Variants in SOS1 observed in about 807,000 individuals in gnomAD.
SOS1 encodes the protein SOS Ras/Rac guanine nucleotide exchange factor 1.
SOS1 carries 25 observed loss-of-function variants against 157.6 expected under a neutral mutation model. The observed-to-expected ratio is 0.16, with a 90% confidence interval of 0.12 to 0.22. The LOEUF (loss-of-function observed/expected upper bound fraction) is 0.22, where lower values mean the gene tolerates loss of function less well. SOS1 is among the 10% of genes least tolerant of loss of function. The pLI, the probability that SOS1 is intolerant of heterozygous loss-of-function variation, is 1.00. For synonymous variants in SOS1, 528 were observed against 534.0 expected (o/e 0.99, Z 0.16); for missense variants, 1,237 against 1,599.1 (o/e 0.77, Z 3.86).
intron 1 of SOS1, among the ~76,000 whole-genome samples, chr2:39,071,909 CTT>C (rs140850029): frequency 2.7e-4 from 36 of 131,338 alleles, no homozygotes; most frequent in African/African-American, 8.5e-4. Context: ...GCCTATTTGG[CTT>C]TTTTTTTTTT....
intron 19 of SOS1, among the ~76,000 whole-genome samples, chr2:38,995,894 C>G (rs866917489): frequency 6.6e-6 from 1 of 152,140 alleles, no homozygotes; most frequent in African/African-American, 2.4e-5. Context: ...GCAAAATGAT[C>G]ATTTCTCAGT....
intron 1 of SOS1, among the ~76,000 whole-genome samples, chr2:39,117,484 C>T (rs11896463): frequency 0.016 from 2,383 of 152,184 alleles, 69 homozygotes; most frequent in African/African-American, 0.055. Context: ...AGTAGCAGTC[C>T]GGACTGGCTA....
At chr2:39,105,752 T>C (rs907261494) in intron 1 of SOS1, among the ~76,000 whole-genome samples, 1 of 151,516 alleles carries the variant, frequency 6.6e-6, no homozygotes, top group South Asian at 2.1e-4. Context: ...CAAAAAAAAA[T>C]AGCTGGGTGT....
intron 21 of SOS1, 80 bp downstream of exon 21, chr2:38,989,190 G>A: frequency 4.1e-6 from 4 of 977,900 alleles, no homozygotes; most frequent in South Asian, 2.6e-5. Flanking sequence ...CCCAAGAAGA[G>A]TTTTAGCAGG....
rs542989500 is a variant in SOS1 at position 39,041,604 on chromosome 2, T to G, written c.865-6104A>C. 3.3e-5 allele frequency among the ~76,000 whole-genome samples: 5 copies of G among 152,350 alleles called. No homozygotes were observed. In the East Asian group the frequency reaches 7.7e-4, roughly 24 times the overall value. Reference sequence around the variant, plus strand: ...ATTATCTAAGCATCCTTTGCCAAATTGAAGATTCAGACCTGTTTTCTTCCA... The same window carrying G: ...ATTATCTAAGCATCCTTTGCCAAATGGAAGATTCAGACCTGTTTTCTTCCA... On this transcript the variant is annotated intron_variant, in intron 6 of 22. Coordinates refer to ENST00000402219, the MANE Select transcript of SOS1 (RefSeq NM_005633.4).
chr2:39,028,998 C>T (rs924043343), intron 8 of SOS1, among the ~76,000 whole-genome samples: 1 of 152,196 alleles, frequency 6.6e-6, no homozygotes, highest in Non-Finnish European at 1.5e-5. Flanking sequence ...TATTCCAGAA[C>T]TAATTAACTA....
intron 9 of SOS1, 90 bp downstream of exon 9, chr2:39,023,920 A>G (rs1424084899): frequency 8.0e-6 from 7 of 879,524 alleles, no homozygotes; most frequent in East Asian, 2.5e-5. Flanking sequence ...TATTTTCTTC[A>G]TTGTTTACTT....
chr2:39,048,487 G>A (rs1363607344), intron 6 of SOS1, among the ~76,000 whole-genome samples: 1 of 151,594 alleles, frequency 6.6e-6, no homozygotes, highest in Non-Finnish European at 1.5e-5. Context: ...TGCAACCTCT[G>A]CCTCCCAGGT....
At chr2:39,117,703 G>A (rs1215497857) in intron 1 of SOS1, among the ~76,000 whole-genome samples, 1 of 152,164 alleles carries the variant, frequency 6.6e-6, no homozygotes, top group Non-Finnish European at 1.5e-5. Context: ...GGGGGCCAGT[G>A]AACCCCATTA....
chr2:38,999,317 T>A (rs929564224), intron 17 of SOS1, among the ~76,000 whole-genome samples: 3 of 152,128 alleles, frequency 2.0e-5, no homozygotes, highest in Middle Eastern at 3.2e-3. Context: ...TGGCAGGATA[T>A]GAGGATAGAC....
chr2:38,984,490 T>G lies in SOS1; in HGVS notation c.*1334A>C, dbSNP rs1240901485. 1 of 152,146 alleles carries G rather than the reference T, an allele frequency of 6.6e-6. No individual in the cohort carries two copies. Among genetic ancestry groups the G allele is most frequent in the Admixed American group, 6.6e-5 (1 of 15,264 alleles). 9.4% of individuals were successfully genotyped at this position (152,146 alleles called of 1,614,324 possible). On this transcript the variant is annotated 3_prime_UTR_variant, in exon 23 of 23. Coordinates refer to ENST00000402219, the MANE Select transcript of SOS1 (RefSeq NM_005633.4). ...AACTGTATACTTGTTGCTTAGGAACTTAAAACTTACTTACAAAGTTCTGCT... is the reference window on the plus strand; with the variant it reads ...AACTGTATACTTGTTGCTTAGGAACGTAAAACTTACTTACAAAGTTCTGCT...
chr2:39,001,589 A>T (rs1669101655), intron 17 of SOS1, among the ~76,000 whole-genome samples: 1 of 152,206 alleles, frequency 6.6e-6, no homozygotes, highest in Non-Finnish European at 1.5e-5. Context: ...CCCCCAAAGA[A>T]GGGGTTTGAA....
Position 39,023,159 on chromosome 2 carries a change from G to T in SOS1, c.1269C>A (p.Asn423Lys). 9 of 1,612,782 alleles carry T rather than the reference G, an allele frequency of 5.6e-6. No individual in the cohort carries two copies. Among genetic ancestry groups the T allele is most frequent in the Non-Finnish European group, 7.6e-6 (9 of 1,179,262 alleles). Residue 423 changes from asparagine to lysine, a missense_variant, in exon 10 of 23, where the codon AAC (asparagine) becomes AAA (lysine). Physicochemically the swap from Asn to Lys is moderately conservative, Grantham distance 94. This residue lies in a region of SOS1 where 210 missense variants were observed against 220.2 expected (regional missense o/e 0.95). Transcript: ENST00000402219. ...KGKQLAIKKM[N>K]EIQKNIDGWE... ...AACCATCAATATTCTTCTGAATCTCGTTCATCTTCTTGATTGCTAGTTGTT... is the reference window on the plus strand; with the variant it reads ...AACCATCAATATTCTTCTGAATCTCTTTCATCTTCTTGATTGCTAGTTGTT...
chr2:39,117,693 G>T (rs558891244), intron 1 of SOS1, among the ~76,000 whole-genome samples: 1 of 152,224 alleles, frequency 6.6e-6, no homozygotes, highest in South Asian at 2.1e-4. Flanking sequence ...AAGGTGAGGT[G>T]GGGGCCAGTG....
intron 1 of SOS1, among the ~76,000 whole-genome samples, chr2:39,068,581 G>GTGAACACAAAGTCACCCTGT (rs1671671916): frequency 6.6e-6 from 1 of 152,166 alleles, no homozygotes; most frequent in Admixed American, 6.5e-5. Flanking sequence ...AATAGTATTT[G>GTGAACACAAAGTCACCCTGT]TGAACACAAA....
chr2:39,011,442 A>G (rs1051851236), intron 14 of SOS1, among the ~76,000 whole-genome samples: 2 of 151,954 alleles, frequency 1.3e-5, no homozygotes, highest in African/African-American at 4.8e-5. Context: ...CTTTTGGTCT[A>G]AAGGAGGAGA....
At chr2:39,057,061 A>T (rs1175872713) in intron 3 of SOS1, among the ~76,000 whole-genome samples, 195 bp from the exon 4 acceptor site, 1 of 152,222 alleles carries the variant, frequency 6.6e-6, no homozygotes, top group African/African-American at 2.4e-5. Flanking sequence ...AGCTAAGAAA[A>T]GGCAAGGCAA....
chr2:38,999,274 C>G (rs1558461848), intron 17 of SOS1, among the ~76,000 whole-genome samples: 1 of 152,038 alleles, frequency 6.6e-6, no homozygotes, highest in Non-Finnish European at 1.5e-5. Flanking sequence ...ATGGCTAGAC[C>G]ATAGGGGTTT....
At chr2:39,092,195 GT>G (rs990389803) in intron 1 of SOS1, among the ~76,000 whole-genome samples, 3 of 151,656 alleles carry the variant, frequency 2.0e-5, no homozygotes, top group Non-Finnish European at 4.4e-5. Context: ...AGTCATACTG[GT>G]TTTTTTTCTT....
Sources: gnomAD v4.1 joint callset for allele counts (sites outside exome capture counted in the v4.1 genomes callset) on GRCh38, gnomAD v4.1.1 for gene constraint, gnomAD v4.1.1 regional missense constraint, MANE v1.5 for transcripts, NCBI Gene and HGNC (gene_info 2026-07-23, HGNC 2026-07-21) for gene names.